Variants in SSH2 observed in about 807,000 individuals in gnomAD.
SSH2 encodes the protein protein phosphatase Slingshot homolog 2.
SSH2 carries 37 observed loss-of-function variants against 135.2 expected under a neutral mutation model. The ratio of observed to expected loss-of-function variants is 0.27; its 90% CI spans 0.21 to 0.36. The LOEUF is 0.36. Among genes scored for constraint, SSH2 ranks in the 10% least tolerant of loss-of-function variants. The pLI is 1.00. For synonymous variants in SSH2, 628 were observed against 646.2 expected (o/e 0.97, Z 0.43); for missense variants, 1,408 against 1,765.3 (o/e 0.80, Z 3.63).
intron 1 of SSH2, among the ~76,000 whole-genome samples, chr17:29,924,549 AG>A (rs1316290971): frequency 6.6e-6 from 1 of 152,190 alleles, no homozygotes; most frequent in African/African-American, 2.4e-5. Flanking sequence ...AGTAGCTCTC[AG>A]GAACTACTGG....
At chr17:29,770,647 A>G (rs1379764230) in intron 3 of SSH2, among the ~76,000 whole-genome samples, 1 of 151,482 alleles carries the variant, frequency 6.6e-6, no homozygotes, top group Non-Finnish European at 1.5e-5. Flanking sequence ...TAATTTTTGT[A>G]TTTTTAGTAG....
At chr17:29,833,456 C>T (rs1284425944) in intron 2 of SSH2, among the ~76,000 whole-genome samples, 1 of 151,894 alleles carries the variant, frequency 6.6e-6, no homozygotes, top group East Asian at 1.9e-4. Flanking sequence ...ATTCCTTTAT[C>T]TTTAGTCTAT....
intron 1 of SSH2, among the ~76,000 whole-genome samples, chr17:29,852,574 C>T (rs1177191620): frequency 2.7e-5 from 4 of 149,532 alleles, no homozygotes; most frequent in South Asian, 2.1e-4. Flanking sequence ...TTTTTTGAGA[C>T]GGAGTCCCGT....
At chr17:29,662,281 T>C (rs964084437) in intron 11 of SSH2, among the ~76,000 whole-genome samples, 2 of 152,172 alleles carry the variant, frequency 1.3e-5, no homozygotes, top group Non-Finnish European at 2.9e-5. Context: ...AGTCCAAATG[T>C]CCAAGGAAAA....
chr17:29,727,698 GT>G (rs1387346315), intron 3 of SSH2, among the ~76,000 whole-genome samples: 1 of 152,168 alleles, frequency 6.6e-6, no homozygotes, highest in African/African-American at 2.4e-5. Context: ...TTAAAAAGAT[GT>G]TAGAACCCAC....
In SSH2 at chr17:29,673,377, C is replaced by CT. The variant is rs550359463; in HGVS notation, c.615-1249dup. Among the ~76,000 whole-genome samples, 24 of 152,074 alleles carry CT rather than the reference C, an allele frequency of 1.6e-4. No homozygotes were observed. The East Asian group carries it at 3.3e-3, about 21-fold the overall frequency. On this transcript the variant is annotated intron_variant, in intron 8 of 15. Coordinates refer to ENST00000540801, the MANE Select transcript of SSH2 (RefSeq NM_001282129.2). ...TTGAGGTCAGGAGATCGAGATCAGC[C>CT]TAACCAACATGGTGAAACCCCATCT... is the stretch of plus-strand genomic sequence containing the variant.
intron 4 of SSH2, among the ~76,000 whole-genome samples, chr17:29,697,465 T>A (rs1476858629): frequency 6.6e-6 from 1 of 152,190 alleles, no homozygotes. Context: ...TGCGTTTGTC[T>A]AAATGGTCAG....
chr17:29,770,774 A>C (rs2041566935), intron 3 of SSH2, among the ~76,000 whole-genome samples: 1 of 152,072 alleles, frequency 6.6e-6, no homozygotes, highest in African/African-American at 2.4e-5. Flanking sequence ...TGCCCGGCCC[A>C]AGTCTTATTC....
At chr17:29,895,341 TATGAAATATATAAA>T (rs2066431224) in intron 1 of SSH2, among the ~76,000 whole-genome samples, 1 of 24,874 alleles carries the variant, frequency 4.0e-5, no homozygotes, top group African/African-American at 1.9e-4. Flanking sequence ...ACATTTTATA[TATGAAATATATAAA>T]ATATATTTTA....
In SSH2 at chr17:29,628,135, T is replaced by G. The variant is rs2035552667; in HGVS notation, c.*2706A>C. On this transcript the variant is annotated 3_prime_UTR_variant, in exon 16 of 16. Transcript: ENST00000540801. ...TTGACAGTTCACTGCGCACCTCCCC[T>G]GGACACTGCTCAGCTATGTAAATAA... The G allele has an allele frequency of 6.6e-6, 1 of 152,200 alleles. No individual in the cohort carries two copies. Among genetic ancestry groups the G allele is most frequent in the Non-Finnish European group, 1.5e-5 (1 of 68,044 alleles). 9.4% of individuals were successfully genotyped at this position (152,200 alleles called of 1,614,324 possible).
chr17:29,863,010 G>C (rs1176343895), intron 1 of SSH2, among the ~76,000 whole-genome samples: 1 of 152,008 alleles, frequency 6.6e-6, no homozygotes, highest in East Asian at 1.9e-4. Context: ...TGTGGCCCAT[G>C]GTCTGTTTTT....
At chr17:29,638,415 G>GA (rs1245840119) in intron 14 of SSH2, among the ~76,000 whole-genome samples, 3 of 149,714 alleles carry the variant, frequency 2.0e-5, no homozygotes, top group Admixed American at 2.0e-4. Context: ...AATAATATAG[G>GA]AAAAAATCTG....
At chr17:29,879,708 G>C (rs571364001) in intron 1 of SSH2, among the ~76,000 whole-genome samples, 6 of 152,168 alleles carry the variant, frequency 3.9e-5, no homozygotes, top group African/African-American at 1.4e-4. Flanking sequence ...CTGAAACAAA[G>C]AAGATCAACT....
At chr17:29,650,405 A>T (rs1314656409) in intron 13 of SSH2, among the ~76,000 whole-genome samples, 2 of 152,232 alleles carry the variant, frequency 1.3e-5, no homozygotes, top group African/African-American at 4.8e-5. Context: ...CTGCAGTTTA[A>T]GTCTATTTTC....
chr17:29,750,935 G>C (rs181978121), intron 3 of SSH2, among the ~76,000 whole-genome samples: 5 of 151,360 alleles, frequency 3.3e-5, no homozygotes, highest in South Asian at 2.1e-4. Flanking sequence ...CGCTAGCTTA[G>C]GCCTAAAGAG....
chr17:29,648,603 A>G (rs968519825), intron 13 of SSH2, among the ~76,000 whole-genome samples: 1 of 152,216 alleles, frequency 6.6e-6, no homozygotes. Context: ...GGCATTTACA[A>G]TATGTGTAAG....
chr17:29,711,928 T>C (rs1314592152), intron 3 of SSH2, among the ~76,000 whole-genome samples: 2 of 152,366 alleles, frequency 1.3e-5, no homozygotes, highest in South Asian at 2.1e-4. Flanking sequence ...TTAGGAAGTT[T>C]ATTTTGCCAA....
chr17:29,803,062 G>C (rs2042278554), intron 2 of SSH2, among the ~76,000 whole-genome samples: 1 of 152,108 alleles, frequency 6.6e-6, no homozygotes, highest in Non-Finnish European at 1.5e-5. Flanking sequence ...AAAACACACA[G>C]GCTTGAGGAG....
At chr17:29,692,323 A>T (rs747624380) in intron 5 of SSH2, among the ~76,000 whole-genome samples, 8 of 152,202 alleles carry the variant, frequency 5.3e-5, no homozygotes, top group Non-Finnish European at 7.3e-5. Context: ...ATTTGTCCAA[A>T]GTCATACAAT....
Sources: allele counts gnomAD v4.1 joint callset (sites outside exome capture counted in the v4.1 genomes callset), GRCh38; gene constraint gnomAD v4.1.1; transcripts MANE v1.5; gene names NCBI Gene and HGNC (gene_info 2026-07-23, HGNC 2026-07-21).